GALNT14: variants seen among roughly 807,000 people sequenced by gnomAD.
GALNT14 encodes polypeptide N-acetylgalactosaminyltransferase 14, also known as UDP-GalNAc:polypeptide N-acetylgalactosaminyltransferase 14.
Under a neutral mutation model 77.5 loss-of-function variants are expected in GALNT14, and 60 were observed. The observed-to-expected ratio is 0.77, with a 90% CI of 0.63 to 0.96. GALNT14 has a LOEUF of 0.96. Ranked by LOEUF, GALNT14 falls within the 40% of genes least tolerant of loss-of-function variation. GALNT14 has a pLI of 0.00. For synonymous variants in GALNT14, 280 were observed against 281.7 expected (o/e 0.99, Z 0.06); for missense variants, 710 against 731.0 (o/e 0.97, Z 0.33).
At chr2:31,038,350 T>A (rs1422674671) in intron 1 of GALNT14, among the ~76,000 whole-genome samples, 5 of 151,884 alleles carry the variant, frequency 3.3e-5, no homozygotes, top group Non-Finnish European at 5.9e-5. Flanking sequence ...TGCCTCAGCC[T>A]CCCAAACTGC....
downstream of GALNT14, among the ~76,000 whole-genome samples, chr2:30,909,729 T>G (rs1038064332): frequency 2.6e-5 from 4 of 152,006 alleles, no homozygotes; most frequent in African/African-American, 9.7e-5. Context: ...CAAAGGACTA[T>G]AAATCATGCT....
chr2:31,077,755 T>C (rs1675888532), intron 1 of GALNT14, among the ~76,000 whole-genome samples: 1 of 152,236 alleles, frequency 6.6e-6, no homozygotes, highest in African/African-American at 2.4e-5. Flanking sequence ...CACATATTTC[T>C]CACTCAATTC....
At chr2:31,045,173 G>A (rs375783252) in intron 1 of GALNT14, among the ~76,000 whole-genome samples, 3 of 152,122 alleles carry the variant, frequency 2.0e-5, no homozygotes, top group South Asian at 4.1e-4. Context: ...ATGATCTGGG[G>A]CGTTCAGGAA....
chr2:31,030,127 T>C (rs1199745628), intron 1 of GALNT14, among the ~76,000 whole-genome samples: 4 of 152,204 alleles, frequency 2.6e-5, no homozygotes, highest in African/African-American at 4.8e-5. Context: ...AAAGCTCCAG[T>C]AGCCTGACCA....
intron 1 of GALNT14, among the ~76,000 whole-genome samples, chr2:31,010,829 C>G (rs1056391929): frequency 1.3e-5 from 2 of 152,198 alleles, no homozygotes; most frequent in African/African-American, 4.8e-5. Context: ...CCATCTCATC[C>G]CATCTCATAG....
At position 31,074,714 on chromosome 2, in the gene GALNT14, C is replaced by T. The variant is rs143080472; in HGVS notation, c.129+63244G>A. Reference sequence around the variant, plus strand: ...GAGAGGGAGAGAGAGAACACTCATGCGAGCCCTCTTGGAACCCAGACTCAG... The same window carrying T: ...GAGAGGGAGAGAGAGAACACTCATGTGAGCCCTCTTGGAACCCAGACTCAG... On this transcript the variant is annotated intron_variant, in intron 1 of 14. Transcript: ENST00000349752. 1.9e-3 allele frequency among the ~76,000 whole-genome samples: 286 copies of T among 152,252 alleles called. 1 individual carries two copies. The highest frequency in any genetic ancestry group is 6.8e-3 in the Middle Eastern group (2 of 292).
chr2:30,974,506 C>A (rs961168921), intron 2 of GALNT14, among the ~76,000 whole-genome samples: 1 of 152,236 alleles, frequency 6.6e-6, no homozygotes, highest in Admixed American at 6.5e-5. Flanking sequence ...GCCCTCTGCA[C>A]TCTCAAAGTT....
chr2:31,074,330 T>C lies in GALNT14; in HGVS notation c.129+63628A>G, dbSNP rs77545204. Among the ~76,000 whole-genome samples, 387 of 152,298 alleles carry C rather than the reference T, an allele frequency of 2.5e-3. 1 individual carries two copies. Among genetic ancestry groups the C allele is most frequent in the Middle Eastern group, 0.024 (7 of 294 alleles). ...TGAAATGGAGCTAACAAAGGGCAGCTGCTGTGAGTGCCAGTGACAGTCCAT... is the reference window on the plus strand; with the variant it reads ...TGAAATGGAGCTAACAAAGGGCAGCCGCTGTGAGTGCCAGTGACAGTCCAT... On this transcript the variant is annotated intron_variant, in intron 1 of 14. Coordinates refer to ENST00000349752, the MANE Select transcript of GALNT14 (RefSeq NM_024572.4).
At chr2:31,006,865 T>C (rs1670704145) in intron 1 of GALNT14, among the ~76,000 whole-genome samples, 1 of 152,230 alleles carries the variant, frequency 6.6e-6, no homozygotes. Flanking sequence ...GCAGAATTTG[T>C]TCCCCTCTCT....
At chr2:30,892,060 C>T in the GALNT14 span, among the ~76,000 whole-genome samples, 9 of 152,282 alleles carry the variant, frequency 5.9e-5, no homozygotes, top group Non-Finnish European at 1.0e-4. Context: ...AGATCACCTT[C>T]GATCACCCTA....
chr2:30,963,726 GC>G (rs1455352294), intron 3 of GALNT14, among the ~76,000 whole-genome samples: 1 of 152,194 alleles, frequency 6.6e-6, no homozygotes, highest in East Asian at 1.9e-4. Flanking sequence ...GGGTCACACA[GC>G]TAGGAAGTGG....
chr2:31,037,373 A>G (rs1573214838), intron 1 of GALNT14, among the ~76,000 whole-genome samples: 1 of 152,216 alleles, frequency 6.6e-6, no homozygotes, highest in East Asian at 1.9e-4. Context: ...TTCTTTAATT[A>G]ATCAGACAAT....
intron 9 of GALNT14, among the ~76,000 whole-genome samples, chr2:30,935,908 G>A (rs142486920): frequency 7.9e-5 from 12 of 152,280 alleles, no homozygotes; most frequent in African/African-American, 2.2e-4. Flanking sequence ...TCTGATCTTC[G>A]AGGCTGCAGC....
chr2:30,945,945 G>A lies in GALNT14; in HGVS notation c.655-75C>T, dbSNP rs539364403. 1.9e-4 allele frequency: 227 copies of A among 1,201,290 alleles called. 2 individuals carry two copies. The highest frequency in any genetic ancestry group is 2.6e-4 in the South Asian group (21 of 81,716). 74.4% of individuals were successfully genotyped at this position (1,201,290 alleles called of 1,614,324 possible). ...GAGTCAGGGAGCTTGGGATGGCCTC[G>A]TGAGGGTAGGGCCAGAGATGAGTTT... On this transcript the variant is annotated intron_variant, in intron 6 of 14. Transcript: ENST00000349752.
intron 1 of GALNT14, among the ~76,000 whole-genome samples, chr2:31,024,508 A>C (rs957989644): frequency 1.3e-5 from 2 of 152,046 alleles, no homozygotes; most frequent in African/African-American, 2.4e-5. Flanking sequence ...GGGCCTTTGC[A>C]CCTGCTGCTC....
intron 2 of GALNT14, among the ~76,000 whole-genome samples, chr2:30,990,919 A>AG (rs1669658389): frequency 1.3e-5 from 2 of 152,168 alleles, no homozygotes. Flanking sequence ...TAATCCCAGC[A>AG]GATCACACTT....
intron 1 of GALNT14, among the ~76,000 whole-genome samples, chr2:31,055,729 C>T (rs992535962): frequency 2.0e-5 from 3 of 152,304 alleles, no homozygotes; most frequent in South Asian, 2.1e-4. Flanking sequence ...ACAGTGGAAA[C>T]GTTACTTCTC....
At chr2:31,071,199 A>G (rs1057311542) in intron 1 of GALNT14, among the ~76,000 whole-genome samples, 1 of 152,204 alleles carries the variant, frequency 6.6e-6, no homozygotes, top group Non-Finnish European at 1.5e-5. Context: ...TCACCACTAA[A>G]GAACTTACTC....
intron 13 of GALNT14, 47 bp downstream of exon 13, chr2:30,924,072 C>T (rs1364978537): frequency 6.2e-7 from 1 of 1,610,544 alleles, no homozygotes; most frequent in East Asian, 2.2e-5. Flanking sequence ...CTGGCTGCCT[C>T]CCTCTACTGT....
Sources: allele counts gnomAD v4.1 joint callset (sites outside exome capture counted in the v4.1 genomes callset), GRCh38; gene constraint gnomAD v4.1.1; transcripts MANE v1.5; gene names NCBI Gene and HGNC (gene_info 2026-07-23, HGNC 2026-07-21).